The following PGAP6 variants were observed in gnomAD, a reference collection of about 807,000 sequenced individuals.
PGAP6 encodes post-GPI attachment to proteins 6, also known as post-GPI attachment to proteins factor 6.
Under a neutral mutation model 68.4 loss-of-function variants are expected in PGAP6, and 62 were observed. The ratio of observed to expected loss-of-function variants is 0.91; its 90% CI spans 0.74 to 1.12. PGAP6 has a LOEUF of 1.12. PGAP6 is among the 50% of genes most tolerant of loss of function. The pLI is 0.00. For missense variants in PGAP6, 1,188 were observed against 1,068.5 expected, an observed-to-expected ratio of 1.11 and a Z score of -1.56; for synonymous variants, 575 against 474.0, an observed-to-expected ratio of 1.21 and a Z score of -2.77.
Position 375,335 on chromosome 16 carries a change from C to T in PGAP6, c.1315+10G>A. On this transcript the variant is annotated intron_variant, in intron 7 of 12. Coordinates refer to ENST00000431232, the MANE Select transcript of PGAP6 (RefSeq NM_021259.3). The stretch of plus-strand genomic sequence containing the variant: ...GGGGCCACGCTGACGGTGACGCCTG[C>T]CCATCATACCTGTGGTGCAGTTGAG... 6.2e-7 allele frequency: 1 copy of T among 1,612,816 alleles called. No individual in the cohort carries two copies. The highest frequency in any genetic ancestry group is 8.5e-7 in the Non-Finnish European group (1 of 1,179,928).
intron 11 of PGAP6, 65 bp from the exon 12 acceptor site, chr16:372,792 C>T (rs1450554692): frequency 2.7e-5 from 32 of 1,186,782 alleles, no homozygotes; most frequent in Middle Eastern, 2.2e-4. Context: ...CAGGAGCACG[C>T]GTACCCCACG....
chr16:372,210 C>T lies in PGAP6; in HGVS notation c.2093G>A (p.Gly698Asp). 1.2e-6 allele frequency: 2 copies of T among 1,612,626 alleles called. No homozygotes were observed. The highest frequency in any genetic ancestry group is 1.7e-6 in the Non-Finnish European group (2 of 1,179,928). Residue 698 changes from glycine (G) to aspartate (D), a missense_variant, in exon 13 of 13, where the codon GGC becomes GAC. Transcript: ENST00000431232. ...WQRWAFYLLP[G>D]VSMASVGIAI... Reference sequence around the variant, plus strand: ...GATGCCCACAGAGGCCATAGAGACGCCGGGCAGGAGGTAGAAGGCCCAGCG... The same window carrying T: ...GATGCCCACAGAGGCCATAGAGACGTCGGGCAGGAGGTAGAAGGCCCAGCG...
chr16:375,323 C>T (rs202018772), intron 7 of PGAP6, 22 bp downstream of exon 7: 244 of 1,612,686 alleles, frequency 1.5e-4, no homozygotes, highest in Middle Eastern at 3.3e-4. Context: ...GCCACGCTGA[C>T]GGTGACGCCT....
chr16:377,713 G>A lies in PGAP6; in HGVS notation c.257C>T (p.Ser86Phe), dbSNP rs1339581005. 9 of 1,595,642 alleles carry A rather than the reference G, an allele frequency of 5.6e-6. No homozygotes were observed. The highest frequency in any genetic ancestry group is 7.7e-6 in the Non-Finnish European group (9 of 1,172,076). ...AVLLRWLLQV[S>F]RESGAACTDA... is the part of the protein sequence containing the mutation. ...GGTGCAGGCAGCGCCGCTCTCCCGGGAGACCTGCAGGAGCCAGCGTAGAAG... is the reference window on the plus strand; with the variant it reads ...GGTGCAGGCAGCGCCGCTCTCCCGGAAGACCTGCAGGAGCCAGCGTAGAAG... The change falls in exon 2 of 13, where the codon TCC becomes TTC. Residue 86 changes from serine to phenylalanine, a missense_variant. Ser to Phe is a radical substitution (Grantham distance 155). Coordinates refer to ENST00000431232, the MANE Select transcript of PGAP6 (RefSeq NM_021259.3).
rs1392168846 is a variant in PGAP6 at position 372,154 on chromosome 16, T to C, written c.2149A>G (p.Asn717Asp). The C allele has an allele frequency of 1.2e-6, 2 of 1,612,872 alleles. No individual in the cohort carries two copies. Among genetic ancestry groups the C allele is most frequent in the African/African-American group, 1.3e-5 (1 of 74,998 alleles). Residue 717 changes from asparagine (N) to aspartate (D), a missense_variant, in exon 13 of 13, where the codon AAC (asparagine) becomes GAC (aspartate). By Grantham distance (23) the Asn-to-Asp change is conservative. Transcript: ENST00000431232. ...CAGATGCTGTGGGTGTAGTAGTAGT[T>C]GTCGCTAGTCATCATGGAGGTGTAG... ...AIYTSMMTSDNYYYTHSIWHI... is the reference protein window; with the variant it reads ...AIYTSMMTSDDYYYTHSIWHI...
chr16:377,832 G>C lies in PGAP6; in HGVS notation c.138C>G (p.Ser46=). The C allele has an allele frequency of 6.4e-7, 1 of 1,560,190 alleles. No individual in the cohort carries two copies. Among genetic ancestry groups the C allele is most frequent in the Non-Finnish European group, 8.7e-7 (1 of 1,152,730 alleles). Residue 46 remains serine (S), a synonymous_variant, in exon 2 of 13, where the codon TCC becomes TCG. Coordinates refer to ENST00000431232, the MANE Select transcript of PGAP6 (RefSeq NM_021259.3). ...TCTGCGGGGCCTGCGAGAAGTGCTC[G>C]GACACCAGCCCCACCTCTGTGAGGA... is the stretch of plus-strand genomic sequence containing the variant. ...YSGKSEVGLV[S]EHFSQAPQRL...
chr16:381,580 G>A, intron 1 of PGAP6, 121 bp downstream of exon 1: 1 of 783,538 alleles, frequency 1.3e-6, no homozygotes. Flanking sequence ...AACCCGCGGC[G>A]GGGACCCCCA....
upstream of PGAP6, among the ~76,000 whole-genome samples, chr16:384,889 G>A (rs1050204354): frequency 1.3e-5 from 2 of 151,256 alleles, no homozygotes; most frequent in Non-Finnish European, 2.9e-5. Context: ...GAGGCCGTAC[G>A]CGGTGGCTAA....
rs146645376 is a variant in PGAP6 at position 377,452 on chromosome 16, C to T, written c.433G>A (p.Val145Ile). 1.7e-3 allele frequency: 2,752 copies of T among 1,610,902 alleles called. 5 individuals carry two copies. Among genetic ancestry groups the T allele is most frequent in the Non-Finnish European group, 2.1e-3 (2,471 of 1,179,040 alleles). Residue 145 changes from valine to isoleucine, a missense_variant, in exon 3 of 13, where the codon GTT (valine) becomes ATT (isoleucine). Physicochemically the swap from Val to Ile is conservative, Grantham distance 29 (BLOSUM62 3). Coordinates refer to ENST00000431232, the MANE Select transcript of PGAP6 (RefSeq NM_021259.3). ...TTPRSNASVN[V>I]SHPAPGDWFV... Reference sequence around the variant, plus strand: ...CAGTCCCCGGGGGCCGGGTGGGAAACGTTGACGGAGGCATTGCTTCTCGGT... The same window carrying T: ...CAGTCCCCGGGGGCCGGGTGGGAAATGTTGACGGAGGCATTGCTTCTCGGT...
upstream of PGAP6, among the ~76,000 whole-genome samples, chr16:383,825 C>T (rs988699794): frequency 2.1e-5 from 3 of 145,286 alleles, no homozygotes; most frequent in Non-Finnish European, 4.6e-5. Flanking sequence ...ACCTTTTGAA[C>T]GCCGCAGCGG....
chr16:376,383 G>C lies in PGAP6; in HGVS notation c.977C>G (p.Ser326Cys). The C allele has an allele frequency of 6.2e-7, 1 of 1,608,938 alleles. No individual in the cohort carries two copies. Among genetic ancestry groups the C allele is most frequent in the Non-Finnish European group, 8.5e-7 (1 of 1,177,442 alleles). The part of the protein sequence containing the change: ...SSQNQSFNAS[S>C]GLLSPSPDHQ... ...GTCGGGGCTCGGGGACAGCAGACCA[G>C]AGGAGGCATTGAAGCTCTGGTTTTG... Residue 326 changes from serine to cysteine, a missense_variant, in exon 6 of 13, where the codon TCT becomes TGT. Physicochemically the swap from Ser to Cys is moderately radical, Grantham distance 112. Coordinates refer to ENST00000431232, the MANE Select transcript of PGAP6 (RefSeq NM_021259.3).
intron 11 of PGAP6, among the ~76,000 whole-genome samples, 191 bp from the exon 12 acceptor site, chr16:372,918 A>G (rs1258648132): frequency 6.6e-6 from 1 of 152,078 alleles, no homozygotes; most frequent in Non-Finnish European, 1.5e-5. Flanking sequence ...CAGCTTCTGT[A>G]TTGCATCCAC....
In PGAP6 at chr16:375,485, T is replaced by C. The variant is rs372386797; in HGVS notation, c.1225-50A>G. ...CAGCTCCAGCAGCCCCTGGCCGCAG[T>C]GGGGTCATCTGCCCCACGTGCCAGC... On this transcript the variant is annotated intron_variant, in intron 6 of 12. Coordinates refer to ENST00000431232, the MANE Select transcript of PGAP6 (RefSeq NM_021259.3). 1.7e-5 allele frequency: 26 copies of C among 1,526,130 alleles called. No individual in the cohort carries two copies. In the East Asian group the frequency reaches 2.3e-4, roughly 13 times the overall value. The allele number at this position is 1,526,130 out of a possible 1,614,324, so 94.5% of individuals were successfully genotyped here.
Position 372,722 on chromosome 16 carries a change from C to A in PGAP6, c.1908G>T (p.Leu636=). The change falls in exon 12 of 13, where the codon CTG becomes CTT. Residue 636 remains leucine (L), a synonymous_variant. Transcript: ENST00000431232. Reference sequence around the variant, plus strand: ...CGATGACCAGTGTACCCAGAAGAAACAGCACCTGCGCAAGACACAGGGATG... The same window carrying A: ...CGATGACCAGTGTACCCAGAAGAAAAAGCACCTGCGCAAGACACAGGGATG... ...ARLKTVLKYV[L]FLLGTLVIAM... 1 of 1,608,926 alleles carries A rather than the reference C, an allele frequency of 6.2e-7. No individual in the cohort carries two copies. The highest frequency in any genetic ancestry group is 8.5e-7 in the Non-Finnish European group (1 of 1,177,396).
chr16:381,274 C>T (rs1055089192), intron 1 of PGAP6, among the ~76,000 whole-genome samples: 1 of 152,248 alleles, frequency 6.6e-6, no homozygotes, highest in Non-Finnish European at 1.5e-5. Flanking sequence ...GCCCCCGCTA[C>T]AGGGTCTAAC....
chr16:378,198 CG>C (rs1567325647), intron 1 of PGAP6, among the ~76,000 whole-genome samples: 27 of 145,108 alleles, frequency 1.9e-4, no homozygotes, highest in East Asian at 1.4e-3. Context: ...GCACTGCCAT[CG>C]CCACCCTGAC....
In PGAP6 at chr16:372,273, C is replaced by T; in HGVS notation, c.2030G>A (p.Cys677Tyr). ...GGGGTAGCACTGGCGCCGGTGCCCG[C>T]AGCGGTAAGCCTGGAGAAAACAGCC... ...VIMASMWAYR[C>Y]GHRRQCYPTS... is the part of the protein sequence containing the mutation. The change falls in exon 13 of 13, where the codon TGC (cysteine) becomes TAC (tyrosine). Residue 677 changes from cysteine (C) to tyrosine (Y), a missense_variant. Physicochemically the swap from Cys to Tyr is radical, Grantham distance 194. Transcript: ENST00000431232. The T allele has an allele frequency of 6.2e-7, 1 of 1,608,926 alleles. No homozygotes were observed. Among genetic ancestry groups the T allele is most frequent in the South Asian group, 1.1e-5 (1 of 91,016 alleles).
intron 5 of PGAP6, 32 bp from the exon 6 acceptor site, chr16:376,487 A>C (rs570069267): frequency 1.3e-6 from 2 of 1,545,760 alleles, no homozygotes; most frequent in Non-Finnish European, 1.7e-6. Flanking sequence ...TGGCTGGAGG[A>C]AAGTCTGGGG....
At chr16:385,229 C>T (rs921030746), upstream of PGAP6, among the ~76,000 whole-genome samples, 1 of 151,386 alleles carries the variant, frequency 6.6e-6, no homozygotes, top group African/African-American at 2.4e-5. Flanking sequence ...AGGATGTTTG[C>T]AGCAGAACTG....
Sources: allele counts gnomAD v4.1 joint callset (sites outside exome capture counted in the v4.1 genomes callset), GRCh38; gene constraint gnomAD v4.1.1; transcripts MANE v1.5; gene names NCBI Gene and HGNC (gene_info 2026-07-23, HGNC 2026-07-21).